The following MTHFS variants were observed in gnomAD, a reference collection of about 807,000 sequenced individuals.
The protein encoded by MTHFS is 5-formyltetrahydrofolate cyclo-ligase.
A neutral mutation model predicts 12.7 loss-of-function variants in MTHFS; 7 were observed. The observed-to-expected ratio is 0.55, with a 90% CI of 0.31 to 1.03. The LOEUF is 1.03. MTHFS is among the 50% of genes least tolerant of loss of function. MTHFS has a pLI of 0.05. For missense variants in MTHFS, 252 were observed against 258.1 expected, an observed-to-expected ratio of 0.98 and a Z score of 0.16; for synonymous variants, 100 against 97.1, an observed-to-expected ratio of 1.03 and a Z score of -0.18.
intron 1 of MTHFS, 66 bp downstream of exon 1, chr15:79,896,806 A>G (rs2034584284): frequency 6.6e-7 from 1 of 1,517,432 alleles, no homozygotes; most frequent in Non-Finnish European, 8.8e-7. Context: ...ACAGATCAGC[A>G]ATCGCTGGCC....
At chr15:79,851,093 G>A (rs1202643380) in intron 2 of MTHFS, among the ~76,000 whole-genome samples, 3 of 152,162 alleles carry the variant, frequency 2.0e-5, no homozygotes, top group African/African-American at 4.8e-5. Flanking sequence ...CTTCCTATCT[G>A]CACACCTTTG....
chr15:79,896,939 A>G lies in MTHFS; in HGVS notation c.50T>C (p.Leu17Pro). Reference protein sequence around the residue: ...SSAKRSLRGELKQRLRAMSAE... With the variant: ...SSAKRSLRGEPKQRLRAMSAE... ...ACTCATCGCCCGCAGACGCTGCTTC[A>G]GCTCTCCCCGCAGGCTCCGCTTGGC... Residue 17 changes from leucine to proline, a missense_variant, in exon 1 of 3, where the codon CTG (leucine) becomes CCG (proline). By Grantham distance (98) the Leu-to-Pro change is moderately conservative (BLOSUM62 -3). Transcript: ENST00000258874. The G allele has an allele frequency of 6.5e-7, 1 of 1,539,288 alleles. No homozygotes were observed. The highest frequency in any genetic ancestry group is 8.7e-7 in the Non-Finnish European group (1 of 1,145,808).
intron 2 of MTHFS, among the ~76,000 whole-genome samples, chr15:79,859,198 T>C (rs1352743532): frequency 6.6e-6 from 1 of 152,222 alleles, no homozygotes; most frequent in African/African-American, 2.4e-5. Context: ...TCAAGGGGAT[T>C]TTGGAAAAGA....
At chr15:79,895,644 A>G (rs1324030633) in intron 1 of MTHFS, among the ~76,000 whole-genome samples, 2 of 152,370 alleles carry the variant, frequency 1.3e-5, no homozygotes, top group South Asian at 2.1e-4. Context: ...AATAGCTAAA[A>G]TAATTCTGTT....
chr15:79,875,425 C>T (rs2034176947), intron 2 of MTHFS, among the ~76,000 whole-genome samples: 1 of 152,140 alleles, frequency 6.6e-6, no homozygotes, highest in Non-Finnish European at 1.5e-5. Context: ...CTATCTCCAG[C>T]AAAGCTGTCC....
chr15:79,866,768 T>C (rs1456415951), intron 2 of MTHFS, among the ~76,000 whole-genome samples: 1 of 152,046 alleles, frequency 6.6e-6, no homozygotes, highest in Non-Finnish European at 1.5e-5. Flanking sequence ...CCGACCAACA[T>C]GAAGAAACCC....
At chr15:79,893,389 G>A (rs1175038161) in intron 1 of MTHFS, among the ~76,000 whole-genome samples, 3 of 149,332 alleles carry the variant, frequency 2.0e-5, no homozygotes, top group South Asian at 2.1e-4. Context: ...GCAACAAAGC[G>A]ATACTTTGTC....
At chr15:79,853,686 T>C (rs1486163018) in intron 2 of MTHFS, among the ~76,000 whole-genome samples, 4 of 152,212 alleles carry the variant, frequency 2.6e-5, no homozygotes, top group African/African-American at 7.2e-5. Context: ...AGCTCTCTAC[T>C]GCCACCTCCT....
At chr15:79,854,898 G>A (rs1234687472) in intron 2 of MTHFS, among the ~76,000 whole-genome samples, 2 of 152,142 alleles carry the variant, frequency 1.3e-5, no homozygotes, top group Non-Finnish European at 2.9e-5. Context: ...AAAGAAGCAA[G>A]CTAGGTTGCT....
intron 1 of MTHFS, 129 bp downstream of exon 1, chr15:79,896,732 AGGGGAAACGTG>A: frequency 2.3e-6 from 1 of 433,606 alleles, no homozygotes; most frequent in South Asian, 2.8e-5. Context: ...GCGCGCCGGG[AGGGGAAACGTG>A]CGCGCGCCGG....
In MTHFS at chr15:79,897,008, C is replaced by A; in HGVS notation, c.-20G>T. 6.6e-7 allele frequency: 1 copy of A among 1,505,912 alleles called. No homozygotes were observed. Among genetic ancestry groups the A allele is most frequent in the Non-Finnish European group, 8.8e-7 (1 of 1,132,392 alleles). The allele number at this position is 1,505,912 out of a possible 1,614,324, so 93.3% of individuals were successfully genotyped here. A position where few individuals can be genotyped will look rare whatever the true frequency, so the allele number is the denominator to read the frequency against. On this transcript the variant is annotated 5_prime_UTR_variant, in exon 1 of 3. Transcript: ENST00000258874. The stretch of plus-strand genomic sequence containing the variant: ...CGCCATCTCACGCCCAAGCCGAGTC[C>A]AGTCCCGCCCTCGGCGCCCTGGGCG...
chr15:79,847,062 A>C (rs1338227521), intron 2 of MTHFS, among the ~76,000 whole-genome samples: 1 of 152,230 alleles, frequency 6.6e-6, no homozygotes, highest in Non-Finnish European at 1.5e-5. Flanking sequence ...ACAGGGACAA[A>C]TACTAGAGAC....
chr15:79,850,792 G>T (rs1303136600), intron 2 of MTHFS, among the ~76,000 whole-genome samples: 2 of 152,136 alleles, frequency 1.3e-5, no homozygotes, highest in Non-Finnish European at 2.9e-5. Context: ...CAGGAAAAAA[G>T]CCTAGGTAGT....
At chr15:79,886,083 T>G (rs1340614373) in intron 2 of MTHFS, among the ~76,000 whole-genome samples, 1 of 152,256 alleles carries the variant, frequency 6.6e-6, no homozygotes, top group African/African-American at 2.4e-5. Flanking sequence ...GCTACATATA[T>G]AATACAAGAA....
intron 2 of MTHFS, among the ~76,000 whole-genome samples, chr15:79,885,640 C>T (rs1566997597): frequency 6.6e-6 from 1 of 152,206 alleles, no homozygotes; most frequent in Non-Finnish European, 1.5e-5. Flanking sequence ...GCCAGTCAGC[C>T]GATTCCATAT....
intron 2 of MTHFS, chr15:79,877,690 A>G (rs532181415): frequency 2.0e-5 from 3 of 151,796 alleles, no homozygotes; most frequent in African/African-American, 7.3e-5. Flanking sequence ...ACAGAGCGAG[A>G]CTCTATCTCA....
chr15:79,856,927 C>G (rs1026839429), intron 2 of MTHFS, among the ~76,000 whole-genome samples: 3 of 150,454 alleles, frequency 2.0e-5, no homozygotes, highest in African/African-American at 7.3e-5. Flanking sequence ...TCTTCAGATA[C>G]AGAAATACAA....
At chr15:79,897,106 G>A (rs1361487404), upstream of MTHFS, 2 of 1,000,488 alleles carry the variant, frequency 2.0e-6, no homozygotes, top group Non-Finnish European at 2.7e-6. Flanking sequence ...GGGGCTCGGG[G>A]AAGCGCCCCC....
chr15:79,864,543 T>TCAACAA (rs1566990929), intron 2 of MTHFS, among the ~76,000 whole-genome samples: 1 of 40,922 alleles, frequency 2.4e-5, no homozygotes. Context: ...AGACTCCATC[T>TCAACAA]CAACAAAAAA....
Sources: allele counts gnomAD v4.1 joint callset (sites outside exome capture counted in the v4.1 genomes callset), GRCh38; gene constraint gnomAD v4.1.1; transcripts MANE v1.5; gene names NCBI Gene and HGNC (gene_info 2026-07-23, HGNC 2026-07-21).